TMC7: variants seen among roughly 807,000 people sequenced by gnomAD.
TMC7 encodes transmembrane channel-like protein 7.
Under a neutral mutation model 82.9 loss-of-function variants are expected in TMC7, and 54 were observed. The ratio of observed to expected loss-of-function variants is 0.65; its 90% CI spans 0.52 to 0.82. The LOEUF is 0.82. Among genes scored for constraint, TMC7 ranks in the 40% least tolerant of loss-of-function variants. The probability of loss-of-function intolerance (pLI) is 0.00; values close to 1 mark genes in which losing one functional copy is unlikely to be tolerated. For missense variants in TMC7, 820 were observed against 901.2 expected, an observed-to-expected ratio of 0.91 and a Z score of 1.15; for synonymous variants, 350 against 337.9, an observed-to-expected ratio of 1.04 and a Z score of -0.39.
chr16:18,990,530 G>A (rs1049947510), intron 1 of TMC7, among the ~76,000 whole-genome samples: 1 of 152,164 alleles, frequency 6.6e-6, no homozygotes, highest in Admixed American at 6.5e-5. Flanking sequence ...CCTGTCTCAC[G>A]TGTCCGTGTG....
In TMC7 at chr16:19,056,538, G is replaced by T; in HGVS notation, c.1872-4G>T. ...TCTGAGCCCGTTGGTCTGTGTCCTG[G>T]CAGCATCCCTTCCTCGAAAGCCTGT... On this transcript the variant is annotated splice_polypyrimidine_tract_variant and splice_region_variant and intron_variant, in intron 13 of 15. Coordinates refer to ENST00000304381, the MANE Select transcript of TMC7 (RefSeq NM_024847.4). 1.9e-6 allele frequency: 3 copies of T among 1,612,856 alleles called. No individual in the cohort carries two copies. The highest frequency in any genetic ancestry group is 2.5e-6 in the Non-Finnish European group (3 of 1,179,392).
At chr16:19,009,897 C>T (rs552208578) in intron 2 of TMC7, among the ~76,000 whole-genome samples, 5 of 147,958 alleles carry the variant, frequency 3.4e-5, no homozygotes, top group East Asian at 2.0e-4. Context: ...GCCGAGATTG[C>T]GCCACTGCAC....
intron 9 of TMC7, among the ~76,000 whole-genome samples, chr16:19,041,896 G>T (rs1961031428): frequency 6.6e-6 from 1 of 151,998 alleles, no homozygotes; most frequent in African/African-American, 2.4e-5. Flanking sequence ...CCTTTGATTT[G>T]TGGAAGAAAC....
At chr16:19,015,989 T>C (rs2142194180) in intron 2 of TMC7, among the ~76,000 whole-genome samples, 1 of 152,334 alleles carries the variant, frequency 6.6e-6, no homozygotes, top group Non-Finnish European at 1.5e-5. Flanking sequence ...TGCCAAACTT[T>C]TTTCCATAGC....
intron 6 of TMC7, among the ~76,000 whole-genome samples, chr16:19,032,427 T>G (rs1454096016): frequency 6.6e-6 from 1 of 151,956 alleles, no homozygotes; most frequent in Non-Finnish European, 1.5e-5. Flanking sequence ...AAAGAAATAT[T>G]GGTTGATTGG....
intron 5 of TMC7, among the ~76,000 whole-genome samples, chr16:19,029,985 G>A (rs1596764878): frequency 6.6e-6 from 1 of 152,104 alleles, no homozygotes; most frequent in East Asian, 1.9e-4. Context: ...CAAAGGGCTG[G>A]GATTACAGGC....
At chr16:19,014,431 T>A (rs563607773) in intron 2 of TMC7, among the ~76,000 whole-genome samples, 1 of 152,190 alleles carries the variant, frequency 6.6e-6, no homozygotes, top group Non-Finnish European at 1.5e-5. Flanking sequence ...AGGAACCCAA[T>A]GCACAGCACT....
intron 2 of TMC7, 65 bp downstream of exon 2, chr16:19,009,480 G>T: frequency 6.6e-7 from 1 of 1,525,520 alleles, no homozygotes; most frequent in Admixed American, 2.1e-5. Context: ...TGTTTTGTGC[G>T]TGAAATGCAT....
chr16:19,035,587 C>G, intron 6 of TMC7, 89 bp from the exon 7 acceptor site: 1 of 1,541,428 alleles, frequency 6.5e-7, no homozygotes, highest in Non-Finnish European at 9.0e-7. Flanking sequence ...GCAGCTATGT[C>G]TAACTTTTTA....
At chr16:19,006,912 G>A (rs1031727216) in intron 1 of TMC7, among the ~76,000 whole-genome samples, 3 of 152,112 alleles carry the variant, frequency 2.0e-5, no homozygotes, top group African/African-American at 7.2e-5. Flanking sequence ...TGCCTCCCAG[G>A]TTCAAGCTAT....
At chr16:19,015,178 G>A (rs1345729106) in intron 2 of TMC7, among the ~76,000 whole-genome samples, 2 of 151,886 alleles carry the variant, frequency 1.3e-5, no homozygotes, top group East Asian at 3.9e-4. Flanking sequence ...TGGTCAGGCT[G>A]GTCTTGAACT....
chr16:19,034,614 G>GTACA (rs1960661737), intron 6 of TMC7, among the ~76,000 whole-genome samples: 1 of 150,056 alleles, frequency 6.7e-6, no homozygotes, highest in South Asian at 2.1e-4. Context: ...AAATAAATAA[G>GTACA]TAAATAAATA....
At chr16:19,024,879 G>A (rs562412469) in intron 5 of TMC7, among the ~76,000 whole-genome samples, 5 of 152,024 alleles carry the variant, frequency 3.3e-5, no homozygotes, top group Non-Finnish European at 5.9e-5. Context: ...GGTGGCGGGC[G>A]CCTGTAGTCC....
intron 14 of TMC7, 77 bp downstream of exon 14, chr16:19,056,774 C>A: frequency 6.6e-7 from 1 of 1,510,660 alleles, no homozygotes; most frequent in Non-Finnish European, 9.0e-7. Context: ...GGGGCGGGGT[C>A]ACCCTAGACT....
intron 7 of TMC7, 149 bp from the exon 8 acceptor site, chr16:19,037,725 G>C (rs1960819895): frequency 1.4e-6 from 1 of 731,522 alleles, no homozygotes; most frequent in Non-Finnish European, 2.2e-6. Context: ...CTCCTACCTT[G>C]GCCTGCCACG....
intron 1 of TMC7, among the ~76,000 whole-genome samples, chr16:18,997,729 C>CT (rs60256405): frequency 1.4e-3 from 173 of 119,458 alleles, no homozygotes; most frequent in African/African-American, 5.1e-3. Context: ...CAAATCCAGC[C>CT]TTTTTTTTTT....
chr16:19,021,521 C>T (rs936097500), intron 3 of TMC7, 108 bp from the exon 4 acceptor site: 12 of 1,212,738 alleles, frequency 9.9e-6, no homozygotes, highest in Non-Finnish European at 1.4e-5. Flanking sequence ...GTTTCTTCCT[C>T]CTTCCAGCTA....
intron 1 of TMC7, among the ~76,000 whole-genome samples, chr16:19,002,681 T>C (rs553137597): frequency 6.6e-6 from 1 of 152,342 alleles, no homozygotes; most frequent in Non-Finnish European, 1.5e-5. Context: ...CCAGTCATCC[T>C]CCTACCTAAG....
intron 1 of TMC7, among the ~76,000 whole-genome samples, chr16:19,002,280 A>G (rs1466253808): frequency 7.1e-6 from 1 of 141,514 alleles, no homozygotes; most frequent in African/African-American, 2.7e-5. Context: ...GTTGTTGTCC[A>G]GACTGAAGTG....
Sources: gnomAD v4.1 joint callset for allele counts (sites outside exome capture counted in the v4.1 genomes callset) on GRCh38, gnomAD v4.1.1 for gene constraint, MANE v1.5 for transcripts, NCBI Gene and HGNC (gene_info 2026-07-23, HGNC 2026-07-21) for gene names.